Variants in GRM5 observed in about 807,000 individuals in gnomAD.
GRM5 encodes the protein glutamate metabotropic receptor 5.
A neutral mutation model predicts 83.1 loss-of-function variants in GRM5; 19 were observed. That is an observed-to-expected ratio of 0.23 (90% CI 0.16 to 0.34). The LOEUF is 0.34. GRM5 is among the 10% of genes least tolerant of loss of function. GRM5 has a pLI of 1.00. For missense variants in GRM5, 1,160 were observed against 1,588.3 expected (o/e 0.73, Z 4.58); for synonymous variants, 675 against 633.6 (o/e 1.07, Z -0.98).
intron 2 of GRM5, among the ~76,000 whole-genome samples, chr11:88,918,774 T>G (rs1945638044): frequency 6.6e-6 from 1 of 152,012 alleles, no homozygotes; most frequent in African/African-American, 2.4e-5. Flanking sequence ...TGTAGAGTTT[T>G]TATTAGTTTT....
intron 4 of GRM5, among the ~76,000 whole-genome samples, chr11:88,638,879 T>C (rs72955091): frequency 0.056 from 8,530 of 152,174 alleles, 243 homozygotes; most frequent in Middle Eastern, 0.071. Context: ...TTCTGATCAA[T>C]TTGATTTTTC....
Position 88,803,792 on chromosome 11 carries a change from A to G in GRM5, c.911+46114T>C, listed in dbSNP as rs950120730. Among the ~76,000 whole-genome samples the G allele has an allele frequency of 4.6e-4, 70 of 152,314 alleles. 1 individual carries two copies. The highest frequency in any genetic ancestry group is 1.7e-3 in the African/African-American group (69 of 41,568). On this transcript the variant is annotated intron_variant, in intron 3 of 9. Coordinates refer to ENST00000305447, the MANE Select transcript of GRM5 (RefSeq NM_001143831.3). Reference sequence around the variant, plus strand: ...AATTTTCGCAACCTACTCATCTGACAAAGGGCTAATATCCAGAAGCTACAA... The same window carrying G: ...AATTTTCGCAACCTACTCATCTGACGAAGGGCTAATATCCAGAAGCTACAA...
At chr11:88,870,628 A>T (rs1250756936) in intron 2 of GRM5, among the ~76,000 whole-genome samples, 1 of 151,626 alleles carries the variant, frequency 6.6e-6, no homozygotes, top group African/African-American at 2.4e-5. Flanking sequence ...AACAGATAGG[A>T]TAGCCAGGCA....
At chr11:88,672,099 T>G (rs1198856705) in intron 3 of GRM5, among the ~76,000 whole-genome samples, 1 of 152,054 alleles carries the variant, frequency 6.6e-6, no homozygotes, top group African/African-American at 2.4e-5. Context: ...TCAGGCATCT[T>G]TAAGACTGTC....
Position 88,559,286 on chromosome 11 carries a change from G to A in GRM5, c.2630+7767C>T, listed in dbSNP as rs191976189. On this transcript the variant is annotated intron_variant, in intron 8 of 9. Coordinates refer to ENST00000305447, the MANE Select transcript of GRM5 (RefSeq NM_001143831.3). ...TTTCAAGGAAATTCCTTGGCGGGGA[G>A]TTCTACTCCTCACTCATTAATCTCA... Among the ~76,000 whole-genome samples the A allele has an allele frequency of 2.3e-3, 356 of 152,210 alleles. 3 individuals carry two copies. The highest frequency in any genetic ancestry group is 8.2e-3 in the African/African-American group (341 of 41,538).
chr11:88,726,263 C>A (rs928292332), intron 3 of GRM5, among the ~76,000 whole-genome samples: 1 of 151,926 alleles, frequency 6.6e-6, no homozygotes, highest in African/African-American at 2.4e-5. Flanking sequence ...AATAGTCTAA[C>A]CAATTAAGCA....
chr11:88,696,573 T>A (rs1031903098), intron 3 of GRM5, among the ~76,000 whole-genome samples: 2 of 152,156 alleles, frequency 1.3e-5, no homozygotes, highest in African/African-American at 4.8e-5. Flanking sequence ...TGGTCATCTG[T>A]AAGATAATAA....
chr11:88,908,206 C>A lies in GRM5; in HGVS notation c.662-58051G>T, dbSNP rs566067317. Among the ~76,000 whole-genome samples, 5 of 152,168 alleles carry A rather than the reference C, an allele frequency of 3.3e-5. No individual in the cohort carries two copies. In the South Asian group the frequency reaches 1.0e-3, roughly 32 times the overall value. Reference sequence around the variant, plus strand: ...TATGTGCCATGAAAATACTTGTCAACTTTGTCCATCTTGCAAACCTACTCT... The same window carrying A: ...TATGTGCCATGAAAATACTTGTCAAATTTGTCCATCTTGCAAACCTACTCT... On this transcript the variant is annotated intron_variant, in intron 2 of 9. Coordinates refer to ENST00000305447, the MANE Select transcript of GRM5 (RefSeq NM_001143831.3).
chr11:88,580,980 C>A lies in GRM5; in HGVS notation c.1690+9621G>T, dbSNP rs370261291. 3.4e-4 allele frequency among the ~76,000 whole-genome samples: 51 copies of A among 152,152 alleles called. 1 individual carries two copies. The highest frequency in any genetic ancestry group is 2.7e-3 in the East Asian group (14 of 5,168). On this transcript the variant is annotated intron_variant, in intron 7 of 9. Transcript: ENST00000305447. ...AAAAATTAGCTGGCATGGTGGCATG[C>A]GCCTGTAGTCACAGCTACTCAGGAG... is the stretch of plus-strand genomic sequence containing the variant.
intron 3 of GRM5, among the ~76,000 whole-genome samples, chr11:88,731,135 G>T (rs1941798598): frequency 1.3e-5 from 2 of 152,008 alleles, no homozygotes; most frequent in African/African-American, 2.4e-5. Context: ...TTTTTTTAAT[G>T]GCTCCAGAAA....
rs965590607 is a variant in GRM5 at position 88,630,656 on chromosome 11, G to A, written c.1147+22512C>T. On this transcript the variant is annotated intron_variant, in intron 4 of 9. Coordinates refer to ENST00000305447, the MANE Select transcript of GRM5 (RefSeq NM_001143831.3). ...TGCAATGGTGCGATCTTGGCTCACT[G>A]CAACCTCTGCCTCGCGGGTTTAAGC... is the stretch of plus-strand genomic sequence containing the variant. Among the ~76,000 whole-genome samples, 17 of 151,592 alleles carry A rather than the reference G, an allele frequency of 1.1e-4. 1 individual carries two copies.
intron 9 of GRM5, chr11:88,522,824 T>G (rs2135101937): frequency 6.6e-6 from 1 of 152,232 alleles, no homozygotes; most frequent in Admixed American, 6.5e-5. Flanking sequence ...TAATAAGCCT[T>G]TCTATTATCT....
intron 4 of GRM5, among the ~76,000 whole-genome samples, chr11:88,612,603 A>G (rs897643401): frequency 7.7e-4 from 117 of 152,140 alleles, no homozygotes; most frequent in African/African-American, 2.3e-3. Flanking sequence ...AAGTGTTCCT[A>G]TTTCTCCACA....
chr11:88,991,827 T>C (rs1217791596), intron 2 of GRM5, among the ~76,000 whole-genome samples: 1 of 152,054 alleles, frequency 6.6e-6, no homozygotes, highest in African/African-American at 2.4e-5. Flanking sequence ...AAGCTGAAAC[T>C]AGATCCCTTC....
intron 8 of GRM5, among the ~76,000 whole-genome samples, chr11:88,560,718 T>C (rs1942735135): frequency 6.6e-6 from 1 of 152,128 alleles, no homozygotes; most frequent in Non-Finnish European, 1.5e-5. Flanking sequence ...AATCACTGCA[T>C]GGCAAGCACT....
At chr11:88,845,422 A>ATTT (rs1565258558) in intron 3 of GRM5, among the ~76,000 whole-genome samples, 1 of 81,822 alleles carries the variant, frequency 1.2e-5, no homozygotes, top group African/African-American at 5.1e-5. Flanking sequence ...TATAAACATA[A>ATTT]CTTTTTTTTT....
intron 3 of GRM5, among the ~76,000 whole-genome samples, chr11:88,744,931 G>A (rs953779044): frequency 1.1e-4 from 17 of 152,152 alleles, no homozygotes; most frequent in Non-Finnish European, 2.4e-4. Context: ...GTCTAGTAGA[G>A]TACATTGATT....
chr11:88,967,219 ATG>A (rs59893165), intron 2 of GRM5, among the ~76,000 whole-genome samples: 44 of 143,304 alleles, frequency 3.1e-4, no homozygotes, highest in African/African-American at 1.1e-3. Context: ...GTGTGTATAT[ATG>A]TGTGTGTATG....
chr11:88,719,886 C>G (rs1009943650), intron 3 of GRM5, among the ~76,000 whole-genome samples: 3 of 152,042 alleles, frequency 2.0e-5, no homozygotes, highest in African/African-American at 4.8e-5. Context: ...CTGTTCATGT[C>G]CTTTGCCCAC....
Sources: gnomAD v4.1 joint callset for allele counts (sites outside exome capture counted in the v4.1 genomes callset) on GRCh38, gnomAD v4.1.1 for gene constraint, MANE v1.5 for transcripts, NCBI Gene and HGNC (gene_info 2026-07-23, HGNC 2026-07-21) for gene names.